The following AKAP6 variants were observed in gnomAD, a reference collection of about 807,000 sequenced individuals.
The protein encoded by AKAP6 is A-kinase anchor protein 6.
In AKAP6, 58 loss-of-function variants were observed where a neutral mutation model predicts 188.5. The ratio of observed to expected loss-of-function variants is 0.31; its 90% confidence interval spans 0.25 to 0.38. The LOEUF is 0.38. Among genes scored for constraint, AKAP6 ranks in the 10% least tolerant of loss-of-function variants. AKAP6 has a pLI of 1.00. For missense variants in AKAP6, 2,710 were observed against 2,740.0 expected (o/e 0.99, Z 0.24); for synonymous variants, 989 against 998.6 (o/e 0.99, Z 0.18).
chr14:32,669,351 T>C (rs545922493), intron 7 of AKAP6, among the ~76,000 whole-genome samples: 35 of 152,210 alleles, frequency 2.3e-4, no homozygotes, highest in Admixed American at 4.6e-4. Flanking sequence ...TTCATTGTAA[T>C]ACCAAATGTT....
At chr14:32,540,131 G>GCTCGCTCT (rs1555338051) in intron 3 of AKAP6, among the ~76,000 whole-genome samples, 1 of 66,504 alleles carries the variant, frequency 1.5e-5, no homozygotes, top group African/African-American at 8.6e-5. Context: ...TTGCTCGTGC[G>GCTCGCTCT]CTCTCTCTCT....
intron 9 of AKAP6, among the ~76,000 whole-genome samples, chr14:32,729,064 C>T (rs2031035930): frequency 6.6e-6 from 1 of 152,058 alleles, no homozygotes; most frequent in African/African-American, 2.4e-5. Context: ...ACAACCCTTT[C>T]ATGATGTTTT....
chr14:32,457,218 T>A (rs1365138716), intron 2 of AKAP6, among the ~76,000 whole-genome samples: 1 of 152,174 alleles, frequency 6.6e-6, no homozygotes, highest in African/African-American at 2.4e-5. Context: ...CTGAGTGGTA[T>A]CTACTGAGTA....
chr14:32,377,857 A>G (rs777425637), intron 1 of AKAP6, among the ~76,000 whole-genome samples: 3 of 152,180 alleles, frequency 2.0e-5, no homozygotes, highest in Non-Finnish European at 4.4e-5. Context: ...TACTTGGAGT[A>G]TATTTTCTTG....
chr14:32,725,005 A>AAAAAAAAAAAAG (rs2030783012), intron 9 of AKAP6, among the ~76,000 whole-genome samples: 1 of 149,438 alleles, frequency 6.7e-6, no homozygotes, highest in Non-Finnish European at 1.5e-5. Flanking sequence ...AAAAAAAAAA[A>AAAAAAAAAAAAG]AAAAAAAAAA....
rs1566546217 is a variant in AKAP6 at position 32,510,355 on chromosome 14, C to CCTATATATATGTGTATATATATGTGTGT, written c.325-25199_325-25198insCTATATATATGTGTATATATATGTGTGT. Reference sequence around the variant, plus strand: ...AATTATATAAGTAAACATATGGATACATATATATATGTGTATATATATGTG... The same window carrying CCTATATATATGTGTATATATATGTGTGT: ...AATTATATAAGTAAACATATGGATACCTATATATATGTGTATATATATGTGTGTATATATATATGTGTATATATATGTG... On this transcript the variant is annotated intron_variant, in intron 2 of 13. Transcript: ENST00000280979. Among the ~76,000 whole-genome samples the CCTATATATATGTGTATATATATGTGTGT allele has an allele frequency of 3.1e-4, 42 of 134,388 alleles. 1 individual carries two copies. Among genetic ancestry groups the CCTATATATATGTGTATATATATGTGTGT allele is most frequent in the Non-Finnish European group, 6.2e-4 (40 of 64,244 alleles). 88.2% of individuals were successfully genotyped at this position (134,388 alleles called of 152,430 possible). A position where few individuals can be genotyped will look rare whatever the true frequency, so the allele number is the denominator to read the frequency against.
chr14:32,519,846 A>T (rs997253296), intron 2 of AKAP6, among the ~76,000 whole-genome samples: 5 of 152,128 alleles, frequency 3.3e-5, no homozygotes, highest in African/African-American at 1.2e-4. Flanking sequence ...CCAAGCAGAC[A>T]TAATAGACAT....
At chr14:32,660,338 C>G (rs998998795) in intron 7 of AKAP6, among the ~76,000 whole-genome samples, 1 of 152,064 alleles carries the variant, frequency 6.6e-6, no homozygotes, top group African/African-American at 2.4e-5. Flanking sequence ...CATTGTGCCA[C>G]CATTAAGGTA....
chr14:32,521,484 C>T (rs138901878), intron 2 of AKAP6, among the ~76,000 whole-genome samples: 5,391 of 152,254 alleles, frequency 0.035, 120 homozygotes, highest in Middle Eastern at 0.099. Context: ...GCAACTTCAG[C>T]AAAGTCTCAG....
chr14:32,647,753 G>A (rs1280792519), intron 7 of AKAP6, among the ~76,000 whole-genome samples: 1 of 152,066 alleles, frequency 6.6e-6, no homozygotes, highest in Admixed American at 6.6e-5. Context: ...TTGAAACACA[G>A]GACTTCATGC....
At chr14:32,347,656 C>T (rs1019949634) in intron 1 of AKAP6, among the ~76,000 whole-genome samples, 1 of 152,200 alleles carries the variant, frequency 6.6e-6, no homozygotes, top group Non-Finnish European at 1.5e-5. Flanking sequence ...AGACACTGAA[C>T]CCAAATGTAA....
At chr14:32,540,131 G>GCTCTCCCTCTCTCTCT (rs1882858552) in intron 3 of AKAP6, among the ~76,000 whole-genome samples, 1 of 66,504 alleles carries the variant, frequency 1.5e-5, no homozygotes, top group African/African-American at 8.6e-5. Context: ...TTGCTCGTGC[G>GCTCTCCCTCTCTCTCT]CTCTCTCTCT....
intron 5 of AKAP6, among the ~76,000 whole-genome samples, chr14:32,597,600 T>C (rs1885758387): frequency 6.6e-6 from 1 of 152,184 alleles, no homozygotes; most frequent in African/African-American, 2.4e-5. Flanking sequence ...TTCCCATACA[T>C]TGCCATATTT....
At chr14:32,795,362 T>C (rs960449301) in intron 12 of AKAP6, among the ~76,000 whole-genome samples, 22 of 152,336 alleles carry the variant, frequency 1.4e-4, no homozygotes, top group African/African-American at 5.0e-4. Context: ...ATATCCTTGA[T>C]GAATGTAGAT....
At chr14:32,647,773 A>G (rs981140147) in intron 7 of AKAP6, among the ~76,000 whole-genome samples, 3 of 152,126 alleles carry the variant, frequency 2.0e-5, no homozygotes, top group Middle Eastern at 3.2e-3. Context: ...CCTGTGGGAC[A>G]TTAGGCCAAC....
chr14:32,617,626 GTTGTT>G (rs750774210), intron 7 of AKAP6, among the ~76,000 whole-genome samples: 5 of 151,968 alleles, frequency 3.3e-5, no homozygotes, highest in Non-Finnish European at 4.4e-5. Flanking sequence ...TGTCCTTTAG[GTTGTT>G]TTGTTTTGTT....
intron 2 of AKAP6, among the ~76,000 whole-genome samples, chr14:32,523,258 C>T (rs1029406947): frequency 2.0e-5 from 3 of 152,112 alleles, no homozygotes; most frequent in Non-Finnish European, 2.9e-5. Flanking sequence ...AGCACACCAA[C>T]ATGGCACATG....
rs56376110 is a variant in AKAP6, at chr14:32,343,746, CAAA to C, written c.-35+14362_-35+14364del. Reference sequence around the variant, plus strand: ...TGAGCAACAGAGCAAGATTCCGTCTCAAAAAAAAAAAAAAAAAAAAAAAAAAGA... The same window carrying C: ...TGAGCAACAGAGCAAGATTCCGTCTCAAAAAAAAAAAAAAAAAAAAAAAGA... On this transcript the variant is annotated intron_variant, in intron 1 of 13. Transcript: ENST00000280979. Among the ~76,000 whole-genome samples, 66 of 37,254 alleles carry C rather than the reference CAAA, an allele frequency of 1.8e-3. No individual in the cohort carries two copies. In the East Asian group the frequency reaches 0.053, roughly 30 times the overall value. 24.4% of individuals were successfully genotyped at this position (37,254 alleles called of 152,430 possible).
intron 2 of AKAP6, among the ~76,000 whole-genome samples, chr14:32,492,337 A>AATATATATATATATATATATATATAT (rs148154496): frequency 9.1e-5 from 7 of 76,764 alleles, no homozygotes; most frequent in Non-Finnish European, 1.2e-4. Flanking sequence ...ACTACATTGT[A>AATATATATATATATATATATATATAT]ATATATATAT....
Sources: allele counts gnomAD v4.1 joint callset (sites outside exome capture counted in the v4.1 genomes callset), GRCh38; gene constraint gnomAD v4.1.1; transcripts MANE v1.5; gene names NCBI Gene and HGNC (gene_info 2026-07-23, HGNC 2026-07-21).